The following DCC variants were observed in gnomAD, a reference collection of about 807,000 sequenced individuals.
The protein encoded by DCC is netrin receptor DCC.
DCC carries 58 observed loss-of-function variants against 172.5 expected under a neutral mutation model. The ratio of observed to expected loss-of-function variants is 0.34; its 90% CI spans 0.27 to 0.42. The LOEUF (loss-of-function observed/expected upper bound fraction) is 0.42. DCC is among the 10% of genes least tolerant of loss of function. The pLI, the probability that DCC is intolerant of heterozygous loss-of-function variation, is 1.00. For synonymous variants in DCC, 709 were observed against 644.5 expected, an observed-to-expected ratio of 1.10 and a Z score of -1.52; for missense variants, 1,740 against 1,791.0, an observed-to-expected ratio of 0.97 and a Z score of 0.51.
chr18:52,473,157 T>C (rs1314813755), intron 1 of DCC, among the ~76,000 whole-genome samples: 2 of 152,188 alleles, frequency 1.3e-5, no homozygotes, highest in African/African-American at 4.8e-5. Flanking sequence ...CATGGTTTAG[T>C]GGAAAGGACA....
In DCC at chr18:53,435,133, C is replaced by A; in HGVS notation, c.3164-11C>A. On this transcript the variant is annotated splice_polypyrimidine_tract_variant and intron_variant, in intron 21 of 28. Transcript: ENST00000442544. ...TGTACTGACATTGTGACATGCTCTC[C>A]CAATGAACAGGTCGTCATGGAGATG... The A allele has an allele frequency of 6.3e-7, 1 of 1,597,980 alleles. No homozygotes were observed. The highest frequency in any genetic ancestry group is 8.6e-7 in the Non-Finnish European group (1 of 1,165,526).
intron 9 of DCC, among the ~76,000 whole-genome samples, chr18:53,195,308 G>T (rs186414161): frequency 1.2e-3 from 185 of 152,236 alleles, no homozygotes; most frequent in African/African-American, 4.3e-3. Flanking sequence ...GTGAATACTT[G>T]TACCTAAACT....
At chr18:53,173,120 T>C (rs1332809921) in intron 8 of DCC, among the ~76,000 whole-genome samples, 2 of 152,136 alleles carry the variant, frequency 1.3e-5, no homozygotes, top group Non-Finnish European at 2.9e-5. Context: ...GAGGGTTTGC[T>C]TTTAAAAAGC....
At chr18:52,511,654 C>G (rs1174296148) in intron 1 of DCC, among the ~76,000 whole-genome samples, 2 of 152,168 alleles carry the variant, frequency 1.3e-5, no homozygotes, top group African/African-American at 2.4e-5. Flanking sequence ...AACAATCATC[C>G]AGTCCCAAAT....
intron 15 of DCC, among the ~76,000 whole-genome samples, chr18:53,344,415 T>TTTTC (rs1367645649): frequency 6.6e-6 from 1 of 150,806 alleles, no homozygotes; most frequent in Non-Finnish European, 1.5e-5. Flanking sequence ...TTATTATTGG[T>TTTTC]TTTCTTTTCT....
chr18:53,517,440 AAATAT>A (rs1018959350), intron 27 of DCC, among the ~76,000 whole-genome samples: 37 of 128,670 alleles, frequency 2.9e-4, no homozygotes, highest in African/African-American at 8.6e-4. Context: ...CTAAAACTTA[AAATAT>A]AATAATAATA....
In DCC at chr18:53,099,439, C is replaced by G. The variant is rs571295182; in HGVS notation, c.1261+33273C>G. ...CTGAATCTTTCCTGAAATACTTTAC[C>G]CACAAAGCTCTAAATGATGCAAGCA... On this transcript the variant is annotated intron_variant, in intron 7 of 28. Transcript: ENST00000442544. Among the ~76,000 whole-genome samples, 64 of 152,086 alleles carry G rather than the reference C, an allele frequency of 4.2e-4. No individual in the cohort carries two copies. The South Asian group carries it at 4.6e-3, about 11-fold the overall frequency.
chr18:53,298,420 G>A (rs1338755107), intron 12 of DCC, among the ~76,000 whole-genome samples: 1 of 151,120 alleles, frequency 6.6e-6, no homozygotes, highest in Non-Finnish European at 1.5e-5. Context: ...CCTGCCTGTA[G>A]TCCCACAGGA....
chr18:52,624,565 G>C (rs1033878593), intron 1 of DCC, among the ~76,000 whole-genome samples: 1 of 152,140 alleles, frequency 6.6e-6, no homozygotes, highest in Non-Finnish European at 1.5e-5. Context: ...GATTTCAGTG[G>C]TATTACAATC....
intron 22 of DCC, among the ~76,000 whole-genome samples, chr18:53,441,486 C>T (rs1045441035): frequency 3.9e-5 from 6 of 152,110 alleles, no homozygotes; most frequent in Non-Finnish European, 5.9e-5. Context: ...ATCTCCACCC[C>T]GACGTATTCA....
intron 2 of DCC, among the ~76,000 whole-genome samples, chr18:52,765,874 T>C (rs2037242443): frequency 6.6e-6 from 1 of 152,184 alleles, no homozygotes. Context: ...CCTAGTTTTT[T>C]CATGTATTAA....
intron 15 of DCC, among the ~76,000 whole-genome samples, chr18:53,351,639 C>A (rs2057814769): frequency 6.7e-6 from 1 of 150,150 alleles, no homozygotes; most frequent in Admixed American, 6.7e-5. Flanking sequence ...GTAAAACAAA[C>A]CGGTGAAGTA....
At chr18:53,060,158 C>T (rs2042473110) in intron 5 of DCC, among the ~76,000 whole-genome samples, 1 of 151,576 alleles carries the variant, frequency 6.6e-6, no homozygotes, top group Non-Finnish European at 1.5e-5. Context: ...CATGTGCCAC[C>T]ACACCTGGCT....
At chr18:53,393,761 T>C (rs944688874) in intron 17 of DCC, among the ~76,000 whole-genome samples, 1 of 152,202 alleles carries the variant, frequency 6.6e-6, no homozygotes, top group African/African-American at 2.4e-5. Context: ...TTCAGTTGAA[T>C]AGTTACTACA....
chr18:53,244,250 A>G (rs1476604382), intron 12 of DCC, among the ~76,000 whole-genome samples: 3 of 152,126 alleles, frequency 2.0e-5, no homozygotes, highest in African/African-American at 7.2e-5. Flanking sequence ...GGGATCACCT[A>G]CAGAAGGGAT....
At chr18:52,871,466 T>C (rs540347720) in intron 2 of DCC, among the ~76,000 whole-genome samples, 1 of 152,196 alleles carries the variant, frequency 6.6e-6, no homozygotes, top group East Asian at 1.9e-4. Flanking sequence ...ACCCCTCTTT[T>C]TTTCCTTTAG....
intron 2 of DCC, among the ~76,000 whole-genome samples, chr18:52,805,973 G>A (rs1459909009): frequency 6.6e-6 from 1 of 152,264 alleles, no homozygotes; most frequent in East Asian, 1.9e-4. Context: ...TACATTTGAA[G>A]GAGACAAACT....
rs542137212 is a variant in DCC at position 53,223,781 on chromosome 18, A to T, written c.1911+8184A>T. Among the ~76,000 whole-genome samples the T allele has an allele frequency of 2.0e-5, 3 of 152,308 alleles. No individual in the cohort carries two copies. The East Asian group carries it at 5.8e-4, about 29-fold the overall frequency. ...ATTTATATTATAAAACAACTTTTAA[A>T]ATGCAAGCACTTTATTGAAAGATTT... On this transcript the variant is annotated intron_variant, in intron 12 of 28. Coordinates refer to ENST00000442544, the MANE Select transcript of DCC (RefSeq NM_005215.4).
intron 12 of DCC, among the ~76,000 whole-genome samples, chr18:53,303,406 T>G (rs1245762093): frequency 6.6e-6 from 1 of 152,260 alleles, no homozygotes; most frequent in East Asian, 1.9e-4. Context: ...TGCTGTTATC[T>G]TCTTATGTAT....
Sources: allele counts gnomAD v4.1 joint callset (sites outside exome capture counted in the v4.1 genomes callset), GRCh38; gene constraint gnomAD v4.1.1; transcripts MANE v1.5; gene names NCBI Gene and HGNC (gene_info 2026-07-23, HGNC 2026-07-21).